Variants in NPAS3 observed in about 807,000 individuals in gnomAD.
The protein encoded by NPAS3 is neuronal PAS domain-containing protein 3.
A neutral mutation model predicts 73.1 loss-of-function variants in NPAS3; 14 were observed. That is an observed-to-expected ratio of 0.19 (90% CI 0.13 to 0.30). NPAS3 has a LOEUF of 0.30. Ranked by LOEUF, NPAS3 falls within the 10% of genes least tolerant of loss-of-function variation. NPAS3 has a pLI of 1.00. For missense variants in NPAS3, 1,096 were observed against 1,250.0 expected (o/e 0.88, Z 1.86); for synonymous variants, 620 against 541.5 (o/e 1.14, Z -2.01).
At chr14:33,188,550 A>G (rs2046061370) in intron 2 of NPAS3, among the ~76,000 whole-genome samples, 1 of 152,194 alleles carries the variant, frequency 6.6e-6, no homozygotes, top group African/African-American at 2.4e-5. Context: ...TTACCAGATT[A>G]TAAACTTCCT....
chr14:33,369,216 A>C (rs1025266554), intron 4 of NPAS3, among the ~76,000 whole-genome samples: 8 of 152,044 alleles, frequency 5.3e-5, no homozygotes, highest in Admixed American at 2.6e-4. Context: ...ACACCACACT[A>C]TGGTTGCATC....
At chr14:33,358,825 T>A (rs945363987) in intron 3 of NPAS3, among the ~76,000 whole-genome samples, 2 of 152,266 alleles carry the variant, frequency 1.3e-5, no homozygotes, top group African/African-American at 4.8e-5. Flanking sequence ...AATAGGAGCC[T>A]GGCTTATATC....
intron 1 of NPAS3, among the ~76,000 whole-genome samples, chr14:33,016,631 A>C (rs1274755704): frequency 1.4e-5 from 2 of 140,646 alleles, no homozygotes; most frequent in South Asian, 2.4e-4. Context: ...AAAAAAAAAA[A>C]ACGACCTAAC....
intron 3 of NPAS3, among the ~76,000 whole-genome samples, chr14:33,337,768 T>C (rs377212433): frequency 1.7e-4 from 26 of 152,122 alleles, no homozygotes; most frequent in African/African-American, 5.5e-4. Flanking sequence ...CAGCAATGTT[T>C]TGTGTCAGTG....
At chr14:33,267,591 C>A (rs1594554075) in intron 3 of NPAS3, among the ~76,000 whole-genome samples, 2 of 152,148 alleles carry the variant, frequency 1.3e-5, no homozygotes, top group Non-Finnish European at 2.9e-5. Context: ...AGCCAATATT[C>A]TTCTTCATGA....
intron 2 of NPAS3, among the ~76,000 whole-genome samples, chr14:33,093,648 T>A (rs142332877): frequency 1.5e-3 from 228 of 152,320 alleles, no homozygotes; most frequent in African/African-American, 5.3e-3. Context: ...TAAATCATGC[T>A]GCTATGAAGA....
rs1057153516 is a variant in NPAS3 at position 33,633,040 on chromosome 14, T to G, written c.559-43171T>G. On this transcript the variant is annotated intron_variant, in intron 5 of 11. Coordinates refer to ENST00000356141, the Ensembl canonical transcript of NPAS3. Reference sequence around the variant, plus strand: ...AAAAAAATCCCGTAACAATAAAAAATAACACAAGTTTAAAAACAATACAGT... The same window carrying G: ...AAAAAAATCCCGTAACAATAAAAAAGAACACAAGTTTAAAAACAATACAGT... Among the ~76,000 whole-genome samples the G allele has an allele frequency of 3.3e-5, 5 of 152,220 alleles. No individual in the cohort carries two copies. In the South Asian group the frequency reaches 1.0e-3, roughly 32 times the overall value.
chr14:33,203,657 A>AT (rs1396589410), intron 2 of NPAS3, among the ~76,000 whole-genome samples: 1 of 152,046 alleles, frequency 6.6e-6, no homozygotes, highest in East Asian at 1.9e-4. Flanking sequence ...TGAACTCATC[A>AT]TTTTTTATGG....
chr14:33,286,751 T>C (rs1166502769), intron 3 of NPAS3, among the ~76,000 whole-genome samples: 4 of 152,194 alleles, frequency 2.6e-5, no homozygotes, highest in Admixed American at 1.3e-4. Flanking sequence ...TATAGCCTTC[T>C]CCACTATAGT....
intron 6 of NPAS3, among the ~76,000 whole-genome samples, chr14:33,704,716 A>C (rs761084444): frequency 3.9e-5 from 6 of 152,218 alleles, no homozygotes; most frequent in Non-Finnish European, 8.8e-5. Context: ...AAGTTTTAAT[A>C]GGTCAAGAGC....
chr14:33,600,586 T>TA (rs927418565), intron 5 of NPAS3, among the ~76,000 whole-genome samples: 1 of 152,120 alleles, frequency 6.6e-6, no homozygotes, highest in Non-Finnish European at 1.5e-5. Context: ...TTGTACAGAT[T>TA]AAAAAAACTG....
chr14:33,375,252 G>A (rs1268675675), intron 4 of NPAS3, among the ~76,000 whole-genome samples: 5 of 152,148 alleles, frequency 3.3e-5, no homozygotes, highest in Admixed American at 3.3e-4. Context: ...ACTAAATATA[G>A]AAAGAGAGAA....
Sources: gnomAD v4.1 joint callset for allele counts (sites outside exome capture counted in the v4.1 genomes callset) on GRCh38, gnomAD v4.1.1 for gene constraint, MANE v1.5 for transcripts, NCBI Gene and HGNC (gene_info 2026-07-23, HGNC 2026-07-21) for gene names.